Variants in SRGAP3 observed in about 807,000 individuals in gnomAD.
SRGAP3 encodes SLIT-ROBO Rho GTPase activating protein 3.
A neutral mutation model predicts 121.1 loss-of-function variants in SRGAP3; 39 were observed. The observed-to-expected ratio is 0.32, with a 90% CI of 0.25 to 0.42. The LOEUF is 0.42. SRGAP3 is among the 10% of genes least tolerant of loss of function. The probability of loss-of-function intolerance (pLI) is 1.00; values close to 1 mark genes in which losing one functional copy is unlikely to be tolerated. For synonymous variants in SRGAP3, 601 were observed against 570.0 expected (o/e 1.05, Z -0.77); for missense variants, 1,213 against 1,470.6 (o/e 0.82, Z 2.86).
intron 3 of SRGAP3, among the ~76,000 whole-genome samples, chr3:9,291,552 A>C (rs1954870021): frequency 6.6e-6 from 1 of 151,998 alleles, no homozygotes; most frequent in Admixed American, 6.6e-5. Context: ...CTCCCAAAAA[A>C]CAATCAATAA....
At chr3:9,355,369 G>A (rs1227140705) in intron 1 of SRGAP3, among the ~76,000 whole-genome samples, 1 of 152,168 alleles carries the variant, frequency 6.6e-6, no homozygotes, top group Non-Finnish European at 1.5e-5. Flanking sequence ...TTGTCTGTTT[G>A]TTCGTTTGTT....
intron 1 of SRGAP3, among the ~76,000 whole-genome samples, chr3:9,351,199 G>T (rs1207800464): frequency 2.6e-5 from 4 of 152,120 alleles, no homozygotes; most frequent in Admixed American, 6.5e-5. Flanking sequence ...ACCCAGCCGA[G>T]ATACCACCTT....
At chr3:9,343,796 G>A (rs572694889) in intron 1 of SRGAP3, among the ~76,000 whole-genome samples, 3 of 152,130 alleles carry the variant, frequency 2.0e-5, no homozygotes, top group East Asian at 1.9e-4. Context: ...TCAGCATCCC[G>A]AGGAGCAGGA....
intron 3 of SRGAP3, chr3:9,257,107 C>G (rs1331387015): frequency 2.7e-6 from 1 of 366,870 alleles, no homozygotes. Context: ...TATATATTGC[C>G]CCTATGAAAG....
Position 9,013,526 on chromosome 3 carries a change from C to A in SRGAP3, c.1929G>T (p.Gln643His), listed in dbSNP as rs936671129. Residue 643 changes from glutamine to histidine, a missense_variant, in exon 17 of 22, where the codon CAG becomes CAT. Gln to His is a conservative substitution (Grantham distance 24). Transcript: ENST00000383836. ...GATCCATCATGTTCTCGTCGCTATA[C>A]TGGGAGAGGCTAGGAGAGAGGAGTT... is the stretch of plus-strand genomic sequence containing the variant. The part of the protein sequence containing the change: ...YLFAFLNHLS[Q>H]YSDENMMDPY... 6.2e-7 allele frequency: 1 copy of A among 1,614,104 alleles called. No homozygotes were observed. Among genetic ancestry groups the A allele is most frequent in the Non-Finnish European group, 8.5e-7 (1 of 1,180,024 alleles).
intron 1 of SRGAP3, among the ~76,000 whole-genome samples, chr3:9,354,622 C>T (rs897710259): frequency 3.4e-4 from 49 of 144,340 alleles, no homozygotes; most frequent in African/African-American, 1.3e-3. Flanking sequence ...GCGGAGCTTG[C>T]AGTGAGCCGA....
intron 3 of SRGAP3, among the ~76,000 whole-genome samples, chr3:9,083,500 A>G (rs1419550080): frequency 2.0e-5 from 3 of 152,228 alleles, no homozygotes; most frequent in Non-Finnish European, 2.9e-5. Flanking sequence ...ACACCTTTGC[A>G]TCTTTTCACT....
rs539065261 is a variant in SRGAP3, at chr3:9,091,203, T to C, written c.424-11116A>G. On this transcript the variant is annotated intron_variant, in intron 3 of 21. Transcript: ENST00000383836. ...GGTGGCCTTTGTTAACTCTCAGTTA[T>C]CCGTGCTGGGCCTCTCTTCTCCTGT... 1.3e-4 allele frequency among the ~76,000 whole-genome samples: 20 copies of C among 152,258 alleles called. No homozygotes were observed. In the South Asian group the frequency reaches 1.7e-3, roughly 13 times the overall value.
chr3:9,297,687 G>A (rs1464831140), intron 3 of SRGAP3, among the ~76,000 whole-genome samples: 2 of 152,106 alleles, frequency 1.3e-5, no homozygotes, highest in African/African-American at 4.8e-5. Flanking sequence ...CTTGAGGTCA[G>A]GAGTTCGAGA....
chr3:9,301,346 C>T (rs764943670), intron 3 of SRGAP3, among the ~76,000 whole-genome samples: 1 of 152,198 alleles, frequency 6.6e-6, no homozygotes, highest in African/African-American at 2.4e-5. Flanking sequence ...AGATGCAGGT[C>T]CCCCGCCTGC....
rs924304056 is a variant in SRGAP3 at position 9,079,796 on chromosome 3, C to T, written c.486+229G>A. 6.6e-5 allele frequency among the ~76,000 whole-genome samples: 10 copies of T among 152,198 alleles called. No individual in the cohort carries two copies. The South Asian group carries it at 1.2e-3, about 19-fold the overall frequency. On this transcript the variant is annotated intron_variant, in intron 4 of 21. Transcript: ENST00000383836. ...ACAGCGGCAGGTCGTTTGAATCTCT[C>T]GTGAATTTTGACAAACTAGACAAGC... is the stretch of plus-strand genomic sequence containing the variant.
intron 3 of SRGAP3, 73 bp from the exon 4 acceptor site, chr3:9,080,160 C>A: frequency 2.6e-5 from 39 of 1,524,826 alleles, no homozygotes; most frequent in Non-Finnish European, 3.5e-5. Flanking sequence ...TTTTCAAAAG[C>A]GAAAGGTCAG....
intron 3 of SRGAP3, among the ~76,000 whole-genome samples, chr3:9,261,669 G>A (rs75989549): frequency 2.0e-5 from 3 of 151,562 alleles, no homozygotes; most frequent in Admixed American, 6.6e-5. Context: ...GAAAAGGAAC[G>A]AATAAAGCCC....
At chr3:9,117,737 C>T (rs1360461517) in intron 2 of SRGAP3, among the ~76,000 whole-genome samples, 1 of 152,166 alleles carries the variant, frequency 6.6e-6, no homozygotes. Context: ...TGGAGTGTCA[C>T]TACTACAGAG....
intron 3 of SRGAP3, among the ~76,000 whole-genome samples, chr3:9,280,599 G>A (rs908111501): frequency 1.3e-5 from 2 of 152,226 alleles, no homozygotes; most frequent in African/African-American, 4.8e-5. Flanking sequence ...TCAGGAGGCA[G>A]TAACGGTGGG....
At chr3:9,296,428 A>T (rs1400397361) in intron 3 of SRGAP3, among the ~76,000 whole-genome samples, 2 of 152,210 alleles carry the variant, frequency 1.3e-5, no homozygotes, top group East Asian at 3.8e-4. Flanking sequence ...TTGGCCATTT[A>T]TCCCATTCAT....
chr3:9,081,347 C>T (rs1240383377), intron 3 of SRGAP3: 2 of 452,186 alleles, frequency 4.4e-6, no homozygotes, highest in Non-Finnish European at 8.9e-6. Context: ...GCAGAAAGGC[C>T]TCTGGGGCAC....
intron 18 of SRGAP3, among the ~76,000 whole-genome samples, chr3:8,998,022 C>G (rs1942516393): frequency 6.6e-6 from 1 of 152,138 alleles, no homozygotes; most frequent in South Asian, 2.1e-4. Flanking sequence ...GCTGGGACCA[C>G]AGGCACATGC....
Position 9,124,871 on chromosome 3 carries a change from T to C in SRGAP3, c.114A>G (p.Gln38=), listed in dbSNP as rs1339089412. 3 of 1,614,190 alleles carry C rather than the reference T, an allele frequency of 1.9e-6. No homozygotes were observed. The highest frequency in any genetic ancestry group is 1.7e-4 in the Middle Eastern group (1 of 6,060). Residue 38 remains glutamine (Q), a synonymous_variant, in exon 2 of 22, where the codon CAA becomes CAG. Transcript: ENST00000383836. The stretch of plus-strand genomic sequence containing the variant: ...GAAGCAGCTGCAGTCGCGACTCTGA[T>C]TGCTGCTCCAGACATTTGAACTGCT... ...LVEQFKCLEQ[Q]SESRLQLLQD...
Sources: allele counts gnomAD v4.1 joint callset (sites outside exome capture counted in the v4.1 genomes callset), GRCh38; gene constraint gnomAD v4.1.1; transcripts MANE v1.5; gene names NCBI Gene and HGNC (gene_info 2026-07-23, HGNC 2026-07-21).